Variants in TRHDE observed in about 807,000 individuals in gnomAD.
TRHDE encodes the protein thyrotropin-releasing hormone-degrading ectoenzyme.
TRHDE carries 72 observed loss-of-function variants against 125.7 expected under a neutral mutation model. That is an observed-to-expected ratio of 0.57 (90% CI 0.47 to 0.70). The LOEUF is 0.70. TRHDE is among the 30% of genes least tolerant of loss of function. TRHDE has a pLI of 0.00. For missense variants in TRHDE, 1,110 were observed against 1,327.1 expected, an observed-to-expected ratio of 0.84 and a Z score of 2.54; for synonymous variants, 509 against 509.1, an observed-to-expected ratio of 1.00 and a Z score of 0.00.
At chr12:72,344,403 T>C (rs971550501) in intron 2 of TRHDE, among the ~76,000 whole-genome samples, 3 of 152,160 alleles carry the variant, frequency 2.0e-5, no homozygotes, top group Non-Finnish European at 4.4e-5. Context: ...AAAGGTTTAT[T>C]AATCCTCATT....
intron 12 of TRHDE, among the ~76,000 whole-genome samples, chr12:72,581,021 C>T (rs1440442489): frequency 6.6e-6 from 1 of 151,818 alleles, no homozygotes; most frequent in African/African-American, 2.4e-5. Context: ...TATGGGAATA[C>T]ATTAAATGCT....
rs1383854524 is a variant in TRHDE at position 72,508,530 on chromosome 12, A to G, written c.1722+8895A>G. ...GTTTCAGCCAATTTCTCCCTTTTGG[A>G]ATGGGAGTATTTACCCAATGCCTGT... On this transcript the variant is annotated intron_variant, in intron 6 of 18. Coordinates refer to ENST00000261180, the MANE Select transcript of TRHDE (RefSeq NM_013381.3). Among the ~76,000 whole-genome samples the G allele has an allele frequency of 2.0e-5, 3 of 152,220 alleles. No individual in the cohort carries two copies. The East Asian group carries it at 5.8e-4, about 29-fold the overall frequency.
intron 2 of TRHDE, among the ~76,000 whole-genome samples, chr12:72,116,630 C>G (rs952665090): frequency 2.6e-5 from 4 of 152,034 alleles, no homozygotes; most frequent in Non-Finnish European, 2.9e-5. Flanking sequence ...AGATTTTTTT[C>G]ATATATTTGT....
At chr12:72,239,652 A>G (rs1427579526) in intron 2 of TRHDE, among the ~76,000 whole-genome samples, 3 of 152,178 alleles carry the variant, frequency 2.0e-5, no homozygotes, top group African/African-American at 7.2e-5. Context: ...GAAGGATGCA[A>G]TTGCTATTTC....
intron 2 of TRHDE, among the ~76,000 whole-genome samples, chr12:72,142,324 G>T (rs113093991): frequency 0.039 from 5,871 of 152,100 alleles, 213 homozygotes; most frequent in South Asian, 0.11. Flanking sequence ...CTATTCTAAA[G>T]TCTTTTTAAT....
intron 12 of TRHDE, among the ~76,000 whole-genome samples, chr12:72,617,866 A>G (rs1872885790): frequency 6.6e-6 from 1 of 152,172 alleles, no homozygotes; most frequent in African/African-American, 2.4e-5. Flanking sequence ...TTGTGAAAGT[A>G]GAGCCCTCAT....
At chr12:72,637,076 T>G (rs562516827) in intron 15 of TRHDE, among the ~76,000 whole-genome samples, 175 of 152,346 alleles carry the variant, frequency 1.1e-3, no homozygotes, top group African/African-American at 4.0e-3. Context: ...TCAGAAGGAA[T>G]GGTACCAGTT....
intron 3 of TRHDE, among the ~76,000 whole-genome samples, chr12:72,399,961 C>T (rs1341189435): frequency 6.6e-6 from 1 of 152,066 alleles, no homozygotes; most frequent in Admixed American, 6.6e-5. Flanking sequence ...TTTAATTTCC[C>T]ACTCTGCCAC....
chr12:72,096,964 TC>T (rs1006015090), intron 1 of TRHDE, among the ~76,000 whole-genome samples: 2 of 152,172 alleles, frequency 1.3e-5, no homozygotes, highest in African/African-American at 4.8e-5. Context: ...CTAACAAAAC[TC>T]CTGGGCCTAA....
At chr12:72,182,887 C>T (rs548606295) in intron 2 of TRHDE, among the ~76,000 whole-genome samples, 10 of 152,028 alleles carry the variant, frequency 6.6e-5, no homozygotes, top group Non-Finnish European at 1.2e-4. Flanking sequence ...CTGGGGCTGG[C>T]GAGAGGCTTA....
At chr12:72,264,438 C>A (rs1879020533) in intron 2 of TRHDE, 1 of 151,942 alleles carries the variant, frequency 6.6e-6, no homozygotes, top group Non-Finnish European at 1.5e-5. Context: ...AGTTAAAAAA[C>A]ATTTTTCTTA....
intron 3 of TRHDE, among the ~76,000 whole-genome samples, chr12:72,399,419 A>T (rs1872942324): frequency 6.6e-6 from 1 of 152,178 alleles, no homozygotes; most frequent in Non-Finnish European, 1.5e-5. Context: ...TTCTAGAATA[A>T]TCTGACTCTA....
intron 3 of TRHDE, among the ~76,000 whole-genome samples, chr12:72,447,109 G>T (rs538802450): frequency 6.6e-6 from 1 of 152,154 alleles, no homozygotes; most frequent in South Asian, 2.1e-4. Flanking sequence ...TGACCACATA[G>T]TTGGAAGTAA....
rs142780858 is a variant in TRHDE, at chr12:72,324,397, G to A, written c.1188+37443G>A. Among the ~76,000 whole-genome samples, 1,361 of 152,230 alleles carry A rather than the reference G, an allele frequency of 8.9e-3. 16 individuals are homozygous for A. Among genetic ancestry groups the A allele is most frequent in the Middle Eastern group, 0.031 (9 of 294 alleles). On this transcript the variant is annotated intron_variant, in intron 2 of 18. Transcript: ENST00000261180. ...GGATTTCCAGAGGAGGGGAGGTGCA[G>A]GTGATGGGGAGGATTTACAGCAAAG...
At chr12:72,635,375 T>G (rs1413287900) in intron 15 of TRHDE, among the ~76,000 whole-genome samples, 11 of 152,112 alleles carry the variant, frequency 7.2e-5, no homozygotes, top group Admixed American at 6.6e-4. Flanking sequence ...TAAATTTGTT[T>G]GAGTTCATTG....
chr12:72,232,581 G>A (rs1878267488), intron 2 of TRHDE, among the ~76,000 whole-genome samples: 3 of 152,050 alleles, frequency 2.0e-5, no homozygotes, highest in Non-Finnish European at 2.9e-5. Flanking sequence ...AAATAATAGA[G>A]TTAATACAGA....
At chr12:72,187,503 T>C (rs1048655345) in intron 2 of TRHDE, among the ~76,000 whole-genome samples, 1 of 136,832 alleles carries the variant, frequency 7.3e-6, no homozygotes, top group African/African-American at 2.7e-5. Flanking sequence ...GTGGTGGTGG[T>C]GGTGGAGGAG....
Position 72,558,900 on chromosome 12 carries a change from T to TTA in TRHDE, c.1789-3263_1789-3262dup, listed in dbSNP as rs373640045. On this transcript the variant is annotated intron_variant, in intron 7 of 18. Coordinates refer to ENST00000261180, the MANE Select transcript of TRHDE (RefSeq NM_013381.3). ...TATCTATGTGGCTAATAGGACTCAG[T>TTA]TATCTATGTGGCTTGGATATCTTGG... 2.0e-3 allele frequency among the ~76,000 whole-genome samples: 297 copies of TTA among 152,204 alleles called. 3 individuals carry two copies. The highest frequency in any genetic ancestry group is 6.4e-3 in the African/African-American group (264 of 41,504).
chr12:72,332,622 C>T (rs1453159618), intron 2 of TRHDE, among the ~76,000 whole-genome samples: 1 of 152,208 alleles, frequency 6.6e-6, no homozygotes, highest in Non-Finnish European at 1.5e-5. Context: ...AACCATATCA[C>T]TTCTTTAATA....
Sources: allele counts gnomAD v4.1 joint callset (sites outside exome capture counted in the v4.1 genomes callset), GRCh38; gene constraint gnomAD v4.1.1; transcripts MANE v1.5; gene names NCBI Gene and HGNC (gene_info 2026-07-23, HGNC 2026-07-21).